Variants in UACA observed in about 807,000 individuals in gnomAD.
The protein encoded by UACA is nuclear membrane binding protein.
A neutral mutation model predicts 160.5 loss-of-function variants in UACA; 112 were observed. The ratio of observed to expected loss-of-function variants is 0.70; its 90% confidence interval spans 0.60 to 0.82. The LOEUF is 0.82. Among genes scored for constraint, UACA ranks in the 40% least tolerant of loss-of-function variants. UACA has a pLI of 0.00. For missense variants in UACA, 1,574 were observed against 1,614.6 expected (o/e 0.97, Z 0.43); for synonymous variants, 557 against 568.4 (o/e 0.98, Z 0.29).
At chr15:70,714,801 G>T (rs1898779105) in intron 1 of UACA, among the ~76,000 whole-genome samples, 1 of 152,132 alleles carries the variant, frequency 6.6e-6, no homozygotes, top group African/African-American at 2.4e-5. Context: ...CCTAATGCAG[G>T]TATTTGTTAC....
chr15:70,706,623 G>A (rs2140975160), intron 1 of UACA, among the ~76,000 whole-genome samples: 1 of 150,670 alleles, frequency 6.6e-6, no homozygotes, highest in East Asian at 1.9e-4. Flanking sequence ...GTGTGGGAGA[G>A]AGTACACAAA....
rs766418592 is a variant in UACA at position 70,657,032 on chromosome 15, G to A, written c.*24C>T. On this transcript the variant is annotated 3_prime_UTR_variant, in exon 19 of 19. Coordinates refer to ENST00000322954, the MANE Select transcript of UACA (RefSeq NM_018003.4). Reference sequence around the variant, plus strand: ...TGTTCAGCACCAGCAAGATAAAACAGATACTGGCAGTCAGTGCTAACGGCT... The same window carrying A: ...TGTTCAGCACCAGCAAGATAAAACAAATACTGGCAGTCAGTGCTAACGGCT... 1.2e-6 allele frequency: 2 copies of A among 1,606,946 alleles called. No homozygotes were observed. The highest frequency in any genetic ancestry group is 4.5e-5 in the East Asian group (2 of 44,848).
intron 1 of UACA, among the ~76,000 whole-genome samples, chr15:70,745,401 T>C (rs568694584): frequency 2.0e-5 from 3 of 146,482 alleles, no homozygotes; most frequent in South Asian, 4.3e-4. Flanking sequence ...TGCGTGCCAC[T>C]GCACTCCAGC....
In UACA at chr15:70,657,062, C is replaced by T. The variant is rs745343823; in HGVS notation, c.4245G>A (p.Val1415=). The stretch of plus-strand genomic sequence containing the variant: ...TGGCAGTCAGTGCTAACGGCTAGCA[C>T]ACAAGCCCCTGCCGCATTTGTATGA... ...LQIIQMRQGL[V]C is the part of the protein sequence containing the mutation. The change falls in exon 19 of 19, where the codon GTG becomes GTA. Residue 1415 remains valine, a synonymous_variant. Transcript: ENST00000322954. 1.2e-6 allele frequency: 2 copies of T among 1,613,216 alleles called. No homozygotes were observed. Among genetic ancestry groups the T allele is most frequent in the Middle Eastern group, 1.7e-4 (1 of 6,056 alleles).
At chr15:70,764,528 T>C (rs935427676), upstream of UACA, among the ~76,000 whole-genome samples, 18 of 152,190 alleles carry the variant, frequency 1.2e-4, no homozygotes, top group African/African-American at 4.3e-4. Context: ...ATGCATCCAT[T>C]TGAAAAGACA....
upstream of UACA, among the ~76,000 whole-genome samples, chr15:70,766,748 C>A (rs146294696): frequency 6.7e-4 from 102 of 152,214 alleles, no homozygotes; most frequent in African/African-American, 2.4e-3. Context: ...ATAAGTTTGC[C>A]TGAAGGGAGG....
intron 17 of UACA, among the ~76,000 whole-genome samples, chr15:70,663,717 T>C (rs963058764): frequency 5.9e-5 from 9 of 151,852 alleles, no homozygotes; most frequent in African/African-American, 1.9e-4. Flanking sequence ...ATGTCCTTTG[T>C]AGGGACATGG....
chr15:70,720,796 T>C (rs184347031), intron 1 of UACA, among the ~76,000 whole-genome samples: 1 of 152,328 alleles, frequency 6.6e-6, no homozygotes, highest in Admixed American at 6.5e-5. Context: ...CTTTGAAGAA[T>C]ATGCGCCCCT....
chr15:70,727,138 T>C (rs1899168973), intron 1 of UACA, among the ~76,000 whole-genome samples: 4 of 152,214 alleles, frequency 2.6e-5, no homozygotes, highest in Non-Finnish European at 5.9e-5. Flanking sequence ...AATTTAATGC[T>C]TTTTAGATTA....
chr15:70,703,401 T>C (rs1898432787), intron 1 of UACA: 2 of 588,726 alleles, frequency 3.4e-6, no homozygotes, highest in South Asian at 2.0e-5. Flanking sequence ...CTACTAAATT[T>C]ACAACATTAG....
upstream of UACA, among the ~76,000 whole-genome samples, chr15:70,766,678 C>T (rs545225676): frequency 6.6e-6 from 1 of 152,062 alleles, no homozygotes; most frequent in African/African-American, 2.4e-5. Context: ...ACTGGACAAT[C>T]GCTTACTGAA....
chr15:70,718,321 AGAATGTGTGTGTG>A (rs1898885083), intron 1 of UACA, among the ~76,000 whole-genome samples: 2 of 68,150 alleles, frequency 2.9e-5, no homozygotes, highest in African/African-American at 9.1e-5. Context: ...AGAGAGAGAG[AGAATGTGTGTGTG>A]TGTGTGTGTG....
chr15:70,768,695 T>C, the UACA span, among the ~76,000 whole-genome samples: 1 of 152,204 alleles, frequency 6.6e-6, no homozygotes, highest in East Asian at 1.9e-4. Flanking sequence ...TAGTAAACTT[T>C]CCTGGACCTT....
chr15:70,703,412 G>T, intron 1 of UACA: 1 of 491,816 alleles, frequency 2.0e-6, no homozygotes, highest in Non-Finnish European at 3.2e-6. Flanking sequence ...ACAACATTAG[G>T]CCCATATTCT....
In UACA at chr15:70,666,809, C is replaced by T. The variant is rs768309300; in HGVS notation, c.3875G>A (p.Arg1292Gln). The part of the protein sequence containing the change: ...IEQEIKDQKE[R>Q]CDKSLTTITE... ...GATTGTTGTTAAGGACTTATCACAT[C>T]GTTCCTTCTGATCCTTAATTTCTTG... Residue 1292 changes from arginine to glutamine, a missense_variant, in exon 16 of 19, where the codon CGA becomes CAA. Physicochemically the swap from Arg to Gln is conservative, Grantham distance 43. Coordinates refer to ENST00000322954, the MANE Select transcript of UACA (RefSeq NM_018003.4). 4 of 1,613,684 alleles carry T rather than the reference C, an allele frequency of 2.5e-6. No homozygotes were observed. The highest frequency in any genetic ancestry group is 2.2e-5 in the East Asian group (1 of 44,866).
chr15:70,765,749 T>A (rs550224213), upstream of UACA, among the ~76,000 whole-genome samples: 6 of 152,362 alleles, frequency 3.9e-5, no homozygotes, highest in Admixed American at 3.9e-4. Context: ...GGATTCCCCC[T>A]ATTGTGAACA....
At chr15:70,739,825 C>G (rs1355758705) in intron 1 of UACA, among the ~76,000 whole-genome samples, 1 of 152,126 alleles carries the variant, frequency 6.6e-6, no homozygotes, top group African/African-American at 2.4e-5. Context: ...TTGTTTCTCT[C>G]CAACTGCCAA....
At chr15:70,727,256 G>C (rs1333648421) in intron 1 of UACA, among the ~76,000 whole-genome samples, 1 of 152,078 alleles carries the variant, frequency 6.6e-6, no homozygotes, top group Non-Finnish European at 1.5e-5. Flanking sequence ...GCATATTTTG[G>C]GGAGAAGAGA....
At chr15:70,687,311 T>C (rs1897760197) in intron 7 of UACA, among the ~76,000 whole-genome samples, 1 of 152,174 alleles carries the variant, frequency 6.6e-6, no homozygotes, top group Admixed American at 6.5e-5. Flanking sequence ...AATCACTGCT[T>C]TTATTCACAT....
Sources: gnomAD v4.1 joint callset for allele counts (sites outside exome capture counted in the v4.1 genomes callset) on GRCh38, gnomAD v4.1.1 for gene constraint, MANE v1.5 for transcripts, NCBI Gene and HGNC (gene_info 2026-07-23, HGNC 2026-07-21) for gene names.